LRRC4C: variants seen among roughly 807,000 people sequenced by gnomAD.
The protein encoded by LRRC4C is leucine rich repeat containing 4C.
A neutral mutation model predicts 33.6 loss-of-function variants in LRRC4C; 5 were observed. That is an observed-to-expected ratio of 0.15 (90% CI 0.08 to 0.31). LRRC4C has a LOEUF of 0.31. Ranked by LOEUF, LRRC4C falls within the 10% of genes least tolerant of loss-of-function variation. The probability of loss-of-function intolerance (pLI) is 1.00; values close to 1 mark genes in which losing one functional copy is unlikely to be tolerated. For missense variants in LRRC4C, 560 were observed against 796.7 expected (o/e 0.70, Z 3.58); for synonymous variants, 329 against 302.0 (o/e 1.09, Z -0.93).
intron 2 of LRRC4C, among the ~76,000 whole-genome samples, chr11:40,799,863 A>G (rs1445307356): frequency 6.6e-6 from 1 of 152,222 alleles, no homozygotes; most frequent in Non-Finnish European, 1.5e-5. Context: ...AGTCCTGCAC[A>G]ATTAAGATTT....
At chr11:40,919,858 A>T (rs751023675) in intron 2 of LRRC4C, among the ~76,000 whole-genome samples, 1 of 152,172 alleles carries the variant, frequency 6.6e-6, no homozygotes, top group Non-Finnish European at 1.5e-5. Flanking sequence ...TAATTTTTAC[A>T]TCTTTGCAAG....
At chr11:40,294,330 T>C (rs1019222740) in intron 4 of LRRC4C, among the ~76,000 whole-genome samples, 1 of 152,040 alleles carries the variant, frequency 6.6e-6, no homozygotes, top group Non-Finnish European at 1.5e-5. Context: ...GTTCAGGCTG[T>C]GTGGGAGAAG....
intron 1 of LRRC4C, among the ~76,000 whole-genome samples, chr11:41,000,150 A>G (rs759720298): frequency 2.2e-4 from 33 of 152,298 alleles, no homozygotes; most frequent in Non-Finnish European, 3.5e-4. Flanking sequence ...TTGGTTGAGT[A>G]TTTTAAAACA....
At chr11:41,433,038 C>T (rs1443152407) in intron 1 of LRRC4C, among the ~76,000 whole-genome samples, 1 of 152,104 alleles carries the variant, frequency 6.6e-6, no homozygotes, top group Non-Finnish European at 1.5e-5. Flanking sequence ...CAGAAGGTCA[C>T]CCTGTGTCTT....
At chr11:41,329,831 C>A (rs576900588) in intron 1 of LRRC4C, among the ~76,000 whole-genome samples, 31 of 152,110 alleles carry the variant, frequency 2.0e-4, no homozygotes, top group Non-Finnish European at 4.4e-4. Flanking sequence ...TTTCACAGTG[C>A]GTGGACAATT....
intron 2 of LRRC4C, among the ~76,000 whole-genome samples, chr11:40,672,330 C>G (rs1219373467): frequency 6.6e-6 from 1 of 152,114 alleles, no homozygotes; most frequent in Non-Finnish European, 1.5e-5. Flanking sequence ...GATCTAATCA[C>G]CTCCCAAATG....
At chr11:40,886,113 AG>A (rs553475184) in intron 2 of LRRC4C, among the ~76,000 whole-genome samples, 1 of 152,238 alleles carries the variant, frequency 6.6e-6, no homozygotes, top group East Asian at 1.9e-4. Context: ...TAATTAATAA[AG>A]CAACAATAAA....
chr11:40,861,305 C>A (rs1013127781), intron 2 of LRRC4C, among the ~76,000 whole-genome samples: 17 of 152,024 alleles, frequency 1.1e-4, no homozygotes, highest in African/African-American at 3.9e-4. Flanking sequence ...GGTGTCAGCT[C>A]CAAGGAGACC....
chr11:41,440,717 C>A (rs1038868704), intron 1 of LRRC4C, among the ~76,000 whole-genome samples: 4 of 152,170 alleles, frequency 2.6e-5, no homozygotes, highest in African/African-American at 7.2e-5. Context: ...GGGCGGATTT[C>A]CCCCTTGCTG....
intron 1 of LRRC4C, among the ~76,000 whole-genome samples, chr11:41,019,674 C>G (rs143756879): frequency 5.1e-4 from 78 of 152,240 alleles, no homozygotes; most frequent in African/African-American, 1.8e-3. Flanking sequence ...ATAGCCTCAC[C>G]AGCATCTACT....
intron 4 of LRRC4C, among the ~76,000 whole-genome samples, chr11:40,253,777 T>C (rs1161415100): frequency 6.6e-6 from 1 of 152,218 alleles, no homozygotes; most frequent in African/African-American, 2.4e-5. Context: ...AACCTTTCTC[T>C]GTCTCAATTC....
chr11:41,438,886 ATT>A (rs898049059), intron 1 of LRRC4C, among the ~76,000 whole-genome samples: 1 of 151,586 alleles, frequency 6.6e-6, no homozygotes, highest in East Asian at 1.9e-4. Context: ...GTGTTTTTAA[ATT>A]TTTTTTTGTT....
At chr11:40,955,463 C>A (rs1470172524) in intron 1 of LRRC4C, among the ~76,000 whole-genome samples, 4 of 151,664 alleles carry the variant, frequency 2.6e-5, no homozygotes, top group Non-Finnish European at 5.9e-5. Flanking sequence ...AAATAAAAAA[C>A]CCTATTTTTT....
chr11:40,201,690 C>T (rs531368869), intron 5 of LRRC4C, among the ~76,000 whole-genome samples: 1 of 152,264 alleles, frequency 6.6e-6, no homozygotes, highest in East Asian at 1.9e-4. Context: ...TGAACAATAC[C>T]TGCTTTAAGG....
At chr11:40,403,264 C>T (rs1285943309) in intron 3 of LRRC4C, among the ~76,000 whole-genome samples, 2 of 152,134 alleles carry the variant, frequency 1.3e-5, no homozygotes, top group Non-Finnish European at 2.9e-5. Context: ...TGTGGCCCCA[C>T]AGCAACTGAT....
intron 5 of LRRC4C, among the ~76,000 whole-genome samples, chr11:40,238,994 G>A (rs186724560): frequency 4.9e-4 from 75 of 152,214 alleles, no homozygotes; most frequent in Non-Finnish European, 9.4e-4. Flanking sequence ...TCCAAAGAAC[G>A]ACATTTAAAT....
intron 1 of LRRC4C, among the ~76,000 whole-genome samples, chr11:40,954,821 AG>A (rs1224554772): frequency 6.6e-6 from 1 of 151,682 alleles, no homozygotes. Flanking sequence ...ATATCACTGG[AG>A]GTAATTTTGG....
chr11:41,249,626 C>T (rs1347558156), intron 1 of LRRC4C, among the ~76,000 whole-genome samples: 2 of 152,106 alleles, frequency 1.3e-5, no homozygotes, highest in African/African-American at 4.8e-5. Context: ...CTTAAACAGC[C>T]CTAGGATGTT....
chr11:40,918,233 T>C (rs1291422519), intron 2 of LRRC4C, among the ~76,000 whole-genome samples: 4 of 152,078 alleles, frequency 2.6e-5, no homozygotes, highest in African/African-American at 9.7e-5. Flanking sequence ...ATTGTGAGGA[T>C]GTATGTATTA....
Sources: gnomAD v4.1 joint callset for allele counts (sites outside exome capture counted in the v4.1 genomes callset) on GRCh38, gnomAD v4.1.1 for gene constraint, MANE v1.5 for transcripts, NCBI Gene and HGNC (gene_info 2026-07-23, HGNC 2026-07-21) for gene names.